RNF168: variants seen among roughly 807,000 people sequenced by gnomAD.
RNF168 encodes ring finger protein 168.
In RNF168, 34 loss-of-function variants were observed where a neutral mutation model predicts 34.9. That is an observed-to-expected ratio of 0.97 (90% CI 0.74 to 1.30). The LOEUF is 1.30. Ranked by LOEUF, RNF168 falls within the 50% of genes most tolerant of loss-of-function variation. RNF168 has a pLI of 0.00. For missense variants in RNF168, 725 were observed against 682.5 expected (o/e 1.06, Z -0.69); for synonymous variants, 264 against 254.7 (o/e 1.04, Z -0.35).
chr3:196,472,810 A>G, intron 5 of RNF168, 38 bp from the exon 6 acceptor site: 1 of 1,237,454 alleles, frequency 8.1e-7, no homozygotes, highest in Non-Finnish European at 1.2e-6. Flanking sequence ...AACCAGGGGA[A>G]AATATCAAAT....
At chr3:196,502,735 C>T (rs929700699) in intron 1 of RNF168, 138 bp downstream of exon 1, 2 of 780,648 alleles carry the variant, frequency 2.6e-6, no homozygotes, top group Non-Finnish European at 4.4e-6. Flanking sequence ...CCCATAAACC[C>T]CCTAACCTCT....
chr3:196,496,765 A>C (rs1388355022), intron 1 of RNF168, among the ~76,000 whole-genome samples: 1 of 152,192 alleles, frequency 6.6e-6, no homozygotes, highest in East Asian at 1.9e-4. Context: ...GCACTTCAGG[A>C]GGCTGAGACG....
At position 196,502,986 on chromosome 3, in the gene RNF168, C is replaced by T. The variant is rs1051027879; in HGVS notation, c.188G>A (p.Arg63Gln). ...FCRRRVSSWT[R>Q]YHTRRNSLVN... ...GAGAGAATTTCTTCGGGTATGGTAC[C>T]GAGTCCACGACGATACCCGGCGGCG... The change falls in exon 1 of 6, where the codon CGG becomes CAG. Residue 63 changes from arginine (R) to glutamine (Q), a missense_variant. Arg to Gln is a conservative substitution (Grantham distance 43). Transcript: ENST00000318037. The T allele has an allele frequency of 1.2e-6, 2 of 1,614,004 alleles. No individual in the cohort carries two copies. Among genetic ancestry groups the T allele is most frequent in the Admixed American group, 1.7e-5 (1 of 60,008 alleles).
At chr3:196,475,670 C>T (rs1732129664) in intron 4 of RNF168, among the ~76,000 whole-genome samples, 2 of 150,320 alleles carry the variant, frequency 1.3e-5, no homozygotes, top group Admixed American at 1.3e-4. Flanking sequence ...CCTGCCTCAG[C>T]CTCCCAAGTA....
In RNF168 at chr3:196,472,498, A is replaced by T; in HGVS notation, c.1037T>A (p.Met346Lys). Reference protein sequence around the residue: ...RVPYSKETAVMPCGRTESGCA... With the variant: ...RVPYSKETAVKPCGRTESGCA... ...CCCACTTTCTGTTCTGCCACAAGGC[A>T]TAACTGCAGTTTCTTTCGAGTAGGG... is the stretch of plus-strand genomic sequence containing the variant. Residue 346 changes from methionine to lysine, a missense_variant, in exon 6 of 6, where the codon ATG (methionine) becomes AAG (lysine). By Grantham distance (95) the Met-to-Lys change is moderately conservative. Transcript: ENST00000318037. 1 of 1,614,258 alleles carries T rather than the reference A, an allele frequency of 6.2e-7. No homozygotes were observed. Among genetic ancestry groups the T allele is most frequent in the Non-Finnish European group, 8.5e-7 (1 of 1,180,052 alleles).
At chr3:196,489,788 CAT>C (rs1418883812) in intron 1 of RNF168, among the ~76,000 whole-genome samples, 4 of 152,158 alleles carry the variant, frequency 2.6e-5, no homozygotes, top group Non-Finnish European at 5.9e-5. Context: ...GAGAGAGGCT[CAT>C]AGAGTCCAGA....
intron 1 of RNF168, among the ~76,000 whole-genome samples, chr3:196,498,524 T>C (rs938251555): frequency 1.3e-5 from 2 of 152,062 alleles, no homozygotes; most frequent in Non-Finnish European, 2.9e-5. Flanking sequence ...CCTGAAAACA[T>C]AAGGCCACAC....
intron 4 of RNF168, among the ~76,000 whole-genome samples, chr3:196,478,053 TG>T (rs1345110806): frequency 1.3e-5 from 2 of 152,238 alleles, no homozygotes; most frequent in Non-Finnish European, 2.9e-5. Flanking sequence ...CACTGTGGCC[TG>T]GGTAACAGTG....
intron 5 of RNF168, 137 bp from the exon 6 acceptor site, chr3:196,472,909 C>A (rs559571326): frequency 3.4e-6 from 2 of 590,678 alleles, no homozygotes; most frequent in African/African-American, 3.7e-5. Flanking sequence ...TTCTTTCTTT[C>A]TTTTCTTTTT....
At chr3:196,499,230 ACT>A (rs926454347) in intron 1 of RNF168, among the ~76,000 whole-genome samples, 30 of 151,872 alleles carry the variant, frequency 2.0e-4, no homozygotes, top group Admixed American at 1.6e-3. Flanking sequence ...ACACCGGGAA[ACT>A]CTACGTGCCA....
chr3:196,492,191 T>C (rs1290971382), intron 1 of RNF168, among the ~76,000 whole-genome samples: 1 of 152,130 alleles, frequency 6.6e-6, no homozygotes, highest in African/African-American at 2.4e-5. Flanking sequence ...CTTTACACAT[T>C]AGATACAATA....
At chr3:196,474,069 T>C (rs1436413422) in intron 5 of RNF168, among the ~76,000 whole-genome samples, 2 of 152,026 alleles carry the variant, frequency 1.3e-5, no homozygotes, top group Non-Finnish European at 2.9e-5. Context: ...TGAGGACTCC[T>C]GCTGAACACA....
chr3:196,503,177 AAT>A lies in RNF168; in HGVS notation c.-6_-5del, dbSNP rs1176829223. On this transcript the variant is annotated 5_prime_UTR_variant, in exon 1 of 6. Coordinates refer to ENST00000318037, the MANE Select transcript of RNF168 (RefSeq NM_152617.4). ...TGGCGTCTTTGGGTAGAGCCATTTC[AAT>A]ATGTTAGTAAAGCCGACTAAACAAC... 10 of 1,613,566 alleles carry A rather than the reference AAT, an allele frequency of 6.2e-6. No homozygotes were observed. Among genetic ancestry groups the A allele is most frequent in the Admixed American group, 1.7e-5 (1 of 59,994 alleles).
intron 1 of RNF168, among the ~76,000 whole-genome samples, chr3:196,491,226 T>G (rs1405764024): frequency 6.6e-6 from 1 of 152,104 alleles, no homozygotes; most frequent in Non-Finnish European, 1.5e-5. Flanking sequence ...GGCAGTAGAA[T>G]AGCTTGAACC....
intron 1 of RNF168, among the ~76,000 whole-genome samples, chr3:196,495,122 C>G (rs1447911750): frequency 6.6e-6 from 1 of 152,064 alleles, no homozygotes; most frequent in Non-Finnish European, 1.5e-5. Flanking sequence ...ATGATAAACC[C>G]CCGTTTAACC....
chr3:196,492,654 T>A (rs1732622977), intron 1 of RNF168, among the ~76,000 whole-genome samples: 2 of 152,074 alleles, frequency 1.3e-5, no homozygotes, highest in Admixed American at 6.6e-5. Flanking sequence ...GGTGCACGCC[T>A]GTAATCCCAG....
intron 1 of RNF168, among the ~76,000 whole-genome samples, chr3:196,493,276 T>G (rs972099914): frequency 4.3e-4 from 65 of 152,242 alleles, no homozygotes; most frequent in African/African-American, 1.6e-3. Flanking sequence ...TAAAGTTTAC[T>G]TATTTCTACA....
At chr3:196,494,670 A>G (rs1217604314) in intron 1 of RNF168, among the ~76,000 whole-genome samples, 1 of 152,184 alleles carries the variant, frequency 6.6e-6, no homozygotes, top group Non-Finnish European at 1.5e-5. Context: ...GAAAATAAGC[A>G]TATGATTTGT....
rs1202857327 is a variant in RNF168 at position 196,470,952 on chromosome 3, TGGATCACCTGA to T, written c.*856_*866del. 1 of 150,456 alleles carries T rather than the reference TGGATCACCTGA, an allele frequency of 6.6e-6. No individual in the cohort carries two copies. Among genetic ancestry groups the T allele is most frequent in the African/African-American group, 2.5e-5 (1 of 40,698 alleles). The allele number at this position is 150,456 out of a possible 1,614,324, so 9.3% of individuals were successfully genotyped here. A position where few individuals can be genotyped will look rare whatever the true frequency, so the allele number is the denominator to read the frequency against. ...CAGCACTCTGGGAGGCCGAAGCAGG[TGGATCACCTGA>T]GGACAGGAGTTCAAGACCAGCCTGG... is the stretch of plus-strand genomic sequence containing the variant. On this transcript the variant is annotated 3_prime_UTR_variant, in exon 6 of 6. Coordinates refer to ENST00000318037, the MANE Select transcript of RNF168 (RefSeq NM_152617.4).
Sources: gnomAD v4.1 joint callset for allele counts (sites outside exome capture counted in the v4.1 genomes callset) on GRCh38, gnomAD v4.1.1 for gene constraint, MANE v1.5 for transcripts, NCBI Gene and HGNC (gene_info 2026-07-23, HGNC 2026-07-21) for gene names.